Variants in PDK1 observed in about 807,000 individuals in gnomAD.
PDK1 encodes the protein pyruvate dehydrogenase kinase 1, also known as [Pyruvate dehydrogenase (acetyl-transferring)] kinase isozyme 1, mitochondrial.
In PDK1, 39 loss-of-function variants were observed where a neutral mutation model predicts 54.2. The observed-to-expected ratio is 0.72, with a 90% CI of 0.56 to 0.94. The LOEUF (loss-of-function observed/expected upper bound fraction) is 0.94, where lower values mean the gene tolerates loss of function less well. Ranked by LOEUF, PDK1 falls within the 40% of genes least tolerant of loss-of-function variation. The pLI, the probability that PDK1 is intolerant of heterozygous loss-of-function variation, is 0.00. For missense variants in PDK1, 552 were observed against 566.0 expected (o/e 0.98, Z 0.25); for synonymous variants, 221 against 207.1 (o/e 1.07, Z -0.58).
At chr2:172,699,872 G>T in the PDK1 span, among the ~76,000 whole-genome samples, 1 of 152,008 alleles carries the variant, frequency 6.6e-6, no homozygotes, top group South Asian at 2.1e-4. Context: ...GTGAACAAAG[G>T]TCTCTGGTTT....
At chr2:172,582,038 G>A (rs1335101055) in intron 8 of PDK1, among the ~76,000 whole-genome samples, 1 of 151,888 alleles carries the variant, frequency 6.6e-6, no homozygotes, top group Non-Finnish European at 1.5e-5. Context: ...TCAGCCTCCC[G>A]AGTAGTGGGG....
intron 9 of PDK1, among the ~76,000 whole-genome samples, chr2:172,591,177 G>A (rs1690554785): frequency 6.6e-6 from 1 of 152,200 alleles, no homozygotes; most frequent in Non-Finnish European, 1.5e-5. Flanking sequence ...AAACAAATTT[G>A]ACAAGGAGGT....
chr2:172,676,376 G>A, the PDK1 span, among the ~76,000 whole-genome samples: 1 of 152,212 alleles, frequency 6.6e-6, no homozygotes, highest in South Asian at 2.1e-4. Flanking sequence ...GTGCCATTAA[G>A]AACGTTAGTG....
chr2:172,651,012 A>G, the PDK1 span, among the ~76,000 whole-genome samples: 3 of 152,192 alleles, frequency 2.0e-5, no homozygotes, highest in Admixed American at 2.0e-4. Flanking sequence ...TCCACCCCAA[A>G]TCAACAGAAT....
chr2:172,695,733 A>C, the PDK1 span, among the ~76,000 whole-genome samples: 2 of 152,170 alleles, frequency 1.3e-5, no homozygotes, highest in African/African-American at 2.4e-5. Context: ...ACAGGTGGCA[A>C]GGAACTGCAG....
chr2:172,583,281 GTTTTTTTTTTTTTTTT>G lies in PDK1; in HGVS notation c.946-2981_946-2966del, dbSNP rs1175087926. ...CATAATGCTGCATAAAAGTTTTCTG[GTTTTTTTTTTTTTTTT>G]TTTTTTTTTTTTTTTACTGAGCAGA... is the stretch of plus-strand genomic sequence containing the variant. On this transcript the variant is annotated intron_variant, in intron 8 of 10. Transcript: ENST00000282077. Among the ~76,000 whole-genome samples, 342 of 77,088 alleles carry G rather than the reference GTTTTTTTTTTTTTTTT, an allele frequency of 4.4e-3. 4 individuals are homozygous for G. Among genetic ancestry groups the G allele is most frequent in the African/African-American group, 0.017 (322 of 18,492 alleles). The allele number at this position is 77,088 out of a possible 152,430, so 50.6% of individuals were successfully genotyped here.
intron 8 of PDK1, among the ~76,000 whole-genome samples, chr2:172,582,250 T>C (rs1173498005): frequency 6.6e-6 from 1 of 152,196 alleles, no homozygotes; most frequent in Non-Finnish European, 1.5e-5. Flanking sequence ...ATGTCTTGGT[T>C]CATTTACTGT....
At chr2:172,563,605 G>A (rs1574468844) in intron 3 of PDK1, among the ~76,000 whole-genome samples, 1 of 152,172 alleles carries the variant, frequency 6.6e-6, no homozygotes, top group South Asian at 2.1e-4. Context: ...AGGCCGAGGC[G>A]GGCGGATCGT....
At chr2:172,690,506 T>A in the PDK1 span, among the ~76,000 whole-genome samples, 2 of 150,256 alleles carry the variant, frequency 1.3e-5, no homozygotes, top group Non-Finnish European at 3.0e-5. Context: ...ACTGGGTATA[T>A]ACCCAAAGGG....
the PDK1 span, among the ~76,000 whole-genome samples, chr2:172,668,688 A>G: frequency 6.6e-6 from 1 of 151,236 alleles, no homozygotes; most frequent in Non-Finnish European, 1.5e-5. Context: ...GCCACCAGTC[A>G]GGCTATTGTC....
Position 172,601,025 on chromosome 2 carries a change from T to C in PDK1, c.*5056T>C, listed in dbSNP as rs1691097959. 6.6e-6 allele frequency: 1 copy of C among 152,244 alleles called. No individual in the cohort carries two copies. Among genetic ancestry groups the C allele is most frequent in the Admixed American group, 6.5e-5 (1 of 15,286 alleles). 9.4% of individuals were successfully genotyped at this position (152,244 alleles called of 1,614,324 possible). On this transcript the variant is annotated 3_prime_UTR_variant, in exon 11 of 11. Coordinates refer to ENST00000282077, the MANE Select transcript of PDK1 (RefSeq NM_002610.5). ...AACTGCATGAGGTCAAAAAGAGCTATATTTGAGCTGCTGTTTGTTAAAAGA... is the reference window on the plus strand; with the variant it reads ...AACTGCATGAGGTCAAAAAGAGCTACATTTGAGCTGCTGTTTGTTAAAAGA...
chr2:172,689,029 C>G, the PDK1 span, among the ~76,000 whole-genome samples: 1 of 152,180 alleles, frequency 6.6e-6, no homozygotes, highest in Non-Finnish European at 1.5e-5. Flanking sequence ...ACAAAGCTTC[C>G]ACAGCATGGA....
the PDK1 span, among the ~76,000 whole-genome samples, chr2:172,717,262 G>C: frequency 6.6e-6 from 1 of 152,164 alleles, no homozygotes; most frequent in African/African-American, 2.4e-5. Context: ...GAGTGAAGCA[G>C]AGCCTCAAGC....
the PDK1 span, among the ~76,000 whole-genome samples, chr2:172,719,394 T>G: frequency 3.9e-5 from 6 of 152,338 alleles, no homozygotes; most frequent in Non-Finnish European, 7.3e-5. Flanking sequence ...CCAACTATAT[T>G]CTGAAGTGGC....
At chr2:172,595,566 C>G (rs1268564035) in intron 10 of PDK1, among the ~76,000 whole-genome samples, 1 of 152,146 alleles carries the variant, frequency 6.6e-6, no homozygotes, top group Non-Finnish European at 1.5e-5. Context: ...AAATTTCAGT[C>G]CAGCAGCTTC....
intron 9 of PDK1, among the ~76,000 whole-genome samples, chr2:172,589,520 CTG>C (rs1690454236): frequency 6.6e-6 from 1 of 152,216 alleles, no homozygotes; most frequent in African/African-American, 2.4e-5. Context: ...TTGACTTCCT[CTG>C]AACTCCTGCT....
intron 8 of PDK1, among the ~76,000 whole-genome samples, chr2:172,571,823 CTTTTTTTTTTTTTTTT>C (rs36031428): frequency 2.0e-5 from 2 of 99,784 alleles, no homozygotes; most frequent in Non-Finnish European, 4.1e-5. Context: ...TCTTTCTTTA[CTTTTTTTTTTTTTTTT>C]TTTTTTTTTT....
rs1318245692 is a variant in PDK1, at chr2:172,605,355, G to A, written c.*9386G>A. ...GGAGCTAACTAGACTGTCCAGGTTT[G>A]GTCTACACTGTAATTTTTTTTTTTT... On this transcript the variant is annotated 3_prime_UTR_variant, in exon 11 of 11. Coordinates refer to ENST00000282077, the MANE Select transcript of PDK1 (RefSeq NM_002610.5). The A allele has an allele frequency of 6.7e-6, 1 of 148,828 alleles. No homozygotes were observed. Among genetic ancestry groups the A allele is most frequent in the African/African-American group, 2.5e-5 (1 of 39,504 alleles). 9.2% of individuals were successfully genotyped at this position (148,828 alleles called of 1,614,324 possible). A position where few individuals can be genotyped will look rare whatever the true frequency, so the allele number is the denominator to read the frequency against.
At chr2:172,652,678 GACAA>G in the PDK1 span, among the ~76,000 whole-genome samples, 5 of 152,076 alleles carry the variant, frequency 3.3e-5, no homozygotes, top group African/African-American at 1.2e-4. Context: ...ACCAATAACA[GACAA>G]ACAGAGAGCC....
Sources: gnomAD v4.1 joint callset for allele counts (sites outside exome capture counted in the v4.1 genomes callset) on GRCh38, gnomAD v4.1.1 for gene constraint, MANE v1.5 for transcripts, NCBI Gene and HGNC (gene_info 2026-07-23, HGNC 2026-07-21) for gene names.